The following MAP2K6 variants were observed in gnomAD, a reference collection of about 807,000 sequenced individuals.
The protein encoded by MAP2K6 is mitogen-activated protein kinase kinase 6, also known as dual specificity mitogen-activated protein kinase kinase 6.
MAP2K6 carries 16 observed loss-of-function variants against 53.7 expected under a neutral mutation model. The ratio of observed to expected loss-of-function variants is 0.30; its 90% CI spans 0.20 to 0.45. The LOEUF is 0.45. Among genes scored for constraint, MAP2K6 ranks in the 20% least tolerant of loss-of-function variants. The pLI is 1.00. For missense variants in MAP2K6, 204 were observed against 411.9 expected (o/e 0.50, Z 4.37); for synonymous variants, 132 against 143.1 (o/e 0.92, Z 0.55).
intron 1 of MAP2K6, among the ~76,000 whole-genome samples, chr17:69,499,265 C>T (rs528946963): frequency 6.6e-6 from 1 of 152,332 alleles, no homozygotes; most frequent in East Asian, 1.9e-4. Flanking sequence ...ATCCAGGGAA[C>T]ATTCTGCTTA....
chr17:69,422,257 G>T (rs139966371), intron 1 of MAP2K6, among the ~76,000 whole-genome samples: 1 of 147,112 alleles, frequency 6.8e-6, no homozygotes, highest in East Asian at 2.0e-4. Context: ...TCAGCCTCCC[G>T]AGTAGCTGGG....
intron 10 of MAP2K6, among the ~76,000 whole-genome samples, chr17:69,528,204 A>T (rs1910884442): frequency 6.6e-6 from 1 of 151,858 alleles, no homozygotes; most frequent in South Asian, 2.1e-4. Context: ...TGAACCTAAG[A>T]GCTCTTCGAC....
At chr17:69,519,201 G>C in intron 4 of MAP2K6, 112 bp from the exon 5 acceptor site, 1 of 1,241,804 alleles carries the variant, frequency 8.1e-7, no homozygotes, top group Non-Finnish European at 1.1e-6. Context: ...TATTCACAAT[G>C]TCATCGCCAG....
Position 69,552,969 on chromosome 17 carries a change from G to A in MAP2K6, c.*11216G>A, listed in dbSNP as rs1912159765. The A allele has an allele frequency of 6.6e-6, 1 of 152,152 alleles. No individual in the cohort carries two copies. The highest frequency in any genetic ancestry group is 1.5e-5 in the Non-Finnish European group (1 of 68,030). 9.4% of individuals were successfully genotyped at this position (152,152 alleles called of 1,614,324 possible). A position where few individuals can be genotyped will look rare whatever the true frequency, so the allele number is the denominator to read the frequency against. The stretch of plus-strand genomic sequence containing the variant: ...AGATATAAGCATTGGTGTTAACATA[G>A]GTTAAGTTTTGTTAGTGTTCCCAGA... On this transcript the variant is annotated 3_prime_UTR_variant, in exon 12 of 12. Transcript: ENST00000590474.
At position 69,544,122 on chromosome 17, in the gene MAP2K6, G is replaced by A. The variant is rs574457866; in HGVS notation, c.*2369G>A. Reference sequence around the variant, plus strand: ...AACTGACTTAAATTTACTTTCTTTTGAACATTTGCAGGGAGTAACATGCCA... The same window carrying A: ...AACTGACTTAAATTTACTTTCTTTTAAACATTTGCAGGGAGTAACATGCCA... On this transcript the variant is annotated 3_prime_UTR_variant, in exon 12 of 12. Transcript: ENST00000590474. 3 of 152,188 alleles carry A rather than the reference G, an allele frequency of 2.0e-5. No homozygotes were observed. The East Asian group carries it at 5.8e-4, about 29-fold the overall frequency. 9.4% of individuals were successfully genotyped at this position (152,188 alleles called of 1,614,324 possible).
At chr17:69,452,882 T>A (rs1236109960) in intron 1 of MAP2K6, among the ~76,000 whole-genome samples, 1 of 152,232 alleles carries the variant, frequency 6.6e-6, no homozygotes, top group Non-Finnish European at 1.5e-5. Flanking sequence ...AAAATGTCTT[T>A]GTTTGCGTCT....
At chr17:69,519,230 T>A in intron 4 of MAP2K6, 83 bp from the exon 5 acceptor site, 2 of 1,482,564 alleles carry the variant, frequency 1.3e-6, no homozygotes, top group East Asian at 4.7e-5. Context: ...TCATGAACTA[T>A]TTTCACGATG....
chr17:69,535,711 C>G (rs1388063924), intron 10 of MAP2K6, among the ~76,000 whole-genome samples: 1 of 152,168 alleles, frequency 6.6e-6, no homozygotes, highest in Non-Finnish European at 1.5e-5. Context: ...AACCAGGTAC[C>G]TGACAGTGAA....
At chr17:69,466,228 G>A (rs1349847095) in intron 1 of MAP2K6, among the ~76,000 whole-genome samples, 1 of 150,370 alleles carries the variant, frequency 6.7e-6, no homozygotes, top group Non-Finnish European at 1.5e-5. Flanking sequence ...GGAGGCGGAG[G>A]TTGCAGTGAG....
intron 1 of MAP2K6, among the ~76,000 whole-genome samples, chr17:69,493,396 A>G (rs1908828416): frequency 6.6e-6 from 1 of 152,192 alleles, no homozygotes. Context: ...AACCTGTTAT[A>G]AAAACGAGCA....
intron 1 of MAP2K6, among the ~76,000 whole-genome samples, chr17:69,449,064 G>A (rs762170449): frequency 3.9e-4 from 59 of 152,298 alleles, no homozygotes; most frequent in Non-Finnish European, 6.5e-4. Context: ...GTAAAGGAGC[G>A]TTTTTCTCTT....
intron 1 of MAP2K6, among the ~76,000 whole-genome samples, chr17:69,460,829 G>A (rs1907601650): frequency 6.6e-6 from 1 of 152,078 alleles, no homozygotes; most frequent in South Asian, 2.1e-4. Flanking sequence ...TGAATTCCTG[G>A]GCTCAAGAGA....
At chr17:69,514,398 T>C (rs1910030636) in intron 2 of MAP2K6, among the ~76,000 whole-genome samples, 1 of 152,192 alleles carries the variant, frequency 6.6e-6, no homozygotes, top group African/African-American at 2.4e-5. Context: ...GTGTGTGTTT[T>C]GTTTTGCATT....
At chr17:69,519,589 C>A in intron 5 of MAP2K6, 157 bp downstream of exon 5, 2 of 779,354 alleles carry the variant, frequency 2.6e-6, no homozygotes, top group East Asian at 2.8e-5. Context: ...TGCCCTGGAG[C>A]AAGGTTGGAT....
intron 1 of MAP2K6, among the ~76,000 whole-genome samples, chr17:69,480,711 A>G (rs150957532): frequency 6.6e-6 from 1 of 152,332 alleles, no homozygotes; most frequent in East Asian, 1.9e-4. Flanking sequence ...TAGCTAAACA[A>G]GCAGAATGCT....
In MAP2K6 at chr17:69,414,735, C is replaced by T; in HGVS notation, c.-250C>T. ...GAGCTTTTAGCTGCCAGCCCTGGCC[C>T]ATCATGTAGCTGCAGCACAGCCTTC... On this transcript the variant is annotated 5_prime_UTR_variant, in exon 1 of 12. Transcript: ENST00000590474. 2.1e-6 allele frequency: 1 copy of T among 477,072 alleles called. No individual in the cohort carries two copies. The highest frequency in any genetic ancestry group is 3.8e-6 in the Non-Finnish European group (1 of 265,128). The allele number at this position is 477,072 out of a possible 1,614,324, so 29.6% of individuals were successfully genotyped here. A position where few individuals can be genotyped will look rare whatever the true frequency, so the allele number is the denominator to read the frequency against.
At position 69,420,428 on chromosome 17, in the gene MAP2K6, CTTG is replaced by C. The variant is rs898776118; in HGVS notation, c.16+5431_16+5433del. On this transcript the variant is annotated intron_variant, in intron 1 of 11. Transcript: ENST00000590474. The stretch of plus-strand genomic sequence containing the variant: ...AATTAAGTCTAGAATCTTTAAGATT[CTTG>C]TTAAGAATCAATTTTAATGACCTCA... 1.9e-4 allele frequency among the ~76,000 whole-genome samples: 29 copies of C among 152,220 alleles called. No homozygotes were observed. The East Asian group carries it at 1.9e-3, about 10-fold the overall frequency.
chr17:69,428,289 A>G (rs952965255), intron 1 of MAP2K6, among the ~76,000 whole-genome samples: 2 of 152,236 alleles, frequency 1.3e-5, no homozygotes, highest in African/African-American at 4.8e-5. Context: ...TCTGAAGGCC[A>G]TAAGGAAAAA....
intron 1 of MAP2K6, among the ~76,000 whole-genome samples, chr17:69,465,346 A>G (rs963682522): frequency 7.9e-5 from 12 of 151,930 alleles, no homozygotes; most frequent in African/African-American, 2.9e-4. Context: ...CCTTATTTAA[A>G]TTTTTCCTGC....
Sources: allele counts gnomAD v4.1 joint callset (sites outside exome capture counted in the v4.1 genomes callset), GRCh38; gene constraint gnomAD v4.1.1; transcripts MANE v1.5; gene names NCBI Gene and HGNC (gene_info 2026-07-23, HGNC 2026-07-21).